The following EYA1 variants were observed in gnomAD, a reference collection of about 807,000 sequenced individuals.
EYA1 encodes protein phosphatase EYA1.
In EYA1, 16 loss-of-function variants were observed where a neutral mutation model predicts 82.0. The ratio of observed to expected loss-of-function variants is 0.20; its 90% CI spans 0.13 to 0.30. The LOEUF is 0.30. Ranked by LOEUF, EYA1 falls within the 10% of genes least tolerant of loss-of-function variation. EYA1 has a pLI of 1.00. For missense variants in EYA1, 633 were observed against 730.7 expected, an observed-to-expected ratio of 0.87 and a Z score of 1.54; for synonymous variants, 261 against 264.4, an observed-to-expected ratio of 0.99 and a Z score of 0.12.
chr8:71,484,575 G>A (rs1013980348), intron 2 of EYA1, among the ~76,000 whole-genome samples: 4 of 152,156 alleles, frequency 2.6e-5, no homozygotes, highest in Non-Finnish European at 5.9e-5. Context: ...TGCTGTTTGG[G>A]GTGATGCACA....
intron 2 of EYA1, among the ~76,000 whole-genome samples, chr8:71,450,908 A>G (rs1410544004): frequency 2.6e-5 from 4 of 152,258 alleles, no homozygotes; most frequent in South Asian, 2.1e-4. Flanking sequence ...CCGTAAAATG[A>G]CTTCACAAGT....
At chr8:71,268,714 G>A (rs1200850839) in intron 11 of EYA1, among the ~76,000 whole-genome samples, 9 of 152,196 alleles carry the variant, frequency 5.9e-5, no homozygotes, top group Non-Finnish European at 1.3e-4. Flanking sequence ...GTACCTTTGA[G>A]ATGATGAAAA....
intron 2 of EYA1, among the ~76,000 whole-genome samples, chr8:71,406,227 A>G (rs1830210699): frequency 6.6e-6 from 1 of 152,254 alleles, no homozygotes; most frequent in Non-Finnish European, 1.5e-5. Context: ...ATATTAAACA[A>G]TTTCAATGCA....
intron 2 of EYA1, among the ~76,000 whole-genome samples, chr8:71,438,382 A>G (rs1037595115): frequency 6.6e-6 from 1 of 151,468 alleles, no homozygotes; most frequent in Admixed American, 6.6e-5. Flanking sequence ...ATAATAAATA[A>G]CCTAGATAAA....
At chr8:71,373,826 A>G (rs1454179134) in intron 2 of EYA1, among the ~76,000 whole-genome samples, 1 of 152,180 alleles carries the variant, frequency 6.6e-6, no homozygotes, top group Non-Finnish European at 1.5e-5. Context: ...GAGTCCAGAA[A>G]TAAACCCAAG....
intron 2 of EYA1, among the ~76,000 whole-genome samples, chr8:71,436,526 C>G (rs1753853944): frequency 6.6e-6 from 1 of 152,068 alleles, no homozygotes; most frequent in South Asian, 2.1e-4. Flanking sequence ...GATTGTGTCC[C>G]TATAAAAACT....
intron 11 of EYA1, among the ~76,000 whole-genome samples, chr8:71,250,258 A>T (rs546227204): frequency 6.6e-6 from 1 of 152,346 alleles, no homozygotes; most frequent in African/African-American, 2.4e-5. Flanking sequence ...TGTCTTGATC[A>T]TGAAATCCTT....
intron 12 of EYA1, among the ~76,000 whole-genome samples, chr8:71,243,230 G>GA (rs1328722601): frequency 6.6e-6 from 1 of 152,136 alleles, no homozygotes; most frequent in Non-Finnish European, 1.5e-5. Flanking sequence ...TGTATCTTTA[G>GA]AAACAAATGG....
chr8:71,518,378 A>G (rs956586823), intron 2 of EYA1, among the ~76,000 whole-genome samples: 9 of 152,158 alleles, frequency 5.9e-5, no homozygotes, highest in African/African-American at 2.2e-4. Context: ...TCTCCAACTT[A>G]TTAGACAGCT....
intron 11 of EYA1, among the ~76,000 whole-genome samples, chr8:71,253,529 T>C (rs1466974211): frequency 2.0e-5 from 3 of 152,152 alleles, no homozygotes; most frequent in Admixed American, 6.5e-5. Context: ...GCATGTTAGA[T>C]TGTATATAAA....
At chr8:71,291,641 T>C (rs147894301) in intron 9 of EYA1, among the ~76,000 whole-genome samples, 22 of 152,366 alleles carry the variant, frequency 1.4e-4, no homozygotes, top group Middle Eastern at 3.4e-3. Context: ...CTTTTATCTT[T>C]GTCCCTCACT....
intron 2 of EYA1, among the ~76,000 whole-genome samples, chr8:71,503,767 T>TA (rs1009363728): frequency 7.2e-5 from 11 of 152,168 alleles, no homozygotes; most frequent in African/African-American, 2.7e-4. Flanking sequence ...CATGCTCACT[T>TA]AAAAAATAGG....
At chr8:71,420,450 T>C (rs578058275) in intron 2 of EYA1, among the ~76,000 whole-genome samples, 1 of 151,952 alleles carries the variant, frequency 6.6e-6, no homozygotes, top group East Asian at 1.9e-4. Context: ...ACTACATCCA[T>C]AATATTACAC....
intron 12 of EYA1, among the ~76,000 whole-genome samples, chr8:71,231,822 C>T (rs1027841129): frequency 2.0e-5 from 3 of 152,168 alleles, no homozygotes; most frequent in Admixed American, 6.5e-5. Context: ...TATTGACCTA[C>T]CTCTCAACAT....
rs1391939828 is a variant in EYA1, at chr8:71,406,916, G to A, written c.34-50405C>T. Among the ~76,000 whole-genome samples, 8 of 145,220 alleles carry A rather than the reference G, an allele frequency of 5.5e-5. No individual in the cohort carries two copies. The East Asian group carries it at 1.6e-3, about 29-fold the overall frequency. On this transcript the variant is annotated intron_variant, in intron 2 of 18. Coordinates refer to the EYA1 transcript ENST00000643681. Reference sequence around the variant, plus strand: ...CTGCCTCTGTAGGCTCCACCTCTGGGGGCAGGGCACAGACAAACAAAAAGA... The same window carrying A: ...CTGCCTCTGTAGGCTCCACCTCTGGAGGCAGGGCACAGACAAACAAAAAGA...
At chr8:71,363,222 T>C (rs1276354609), upstream of EYA1, among the ~76,000 whole-genome samples, 1 of 152,174 alleles carries the variant, frequency 6.6e-6, no homozygotes, top group Non-Finnish European at 1.5e-5. Flanking sequence ...ACTTTTTGCA[T>C]GACTTTATAA....
chr8:71,526,859 C>T (rs1425907151), intron 2 of EYA1, among the ~76,000 whole-genome samples: 4 of 152,186 alleles, frequency 2.6e-5, no homozygotes, highest in Non-Finnish European at 5.9e-5. Flanking sequence ...CCTTACAAGG[C>T]TCCATCTCTT....
chr8:71,242,414 T>C lies in EYA1; in HGVS notation c.1140+2189A>G, dbSNP rs543665474. Among the ~76,000 whole-genome samples, 13 of 152,318 alleles carry C rather than the reference T, an allele frequency of 8.5e-5. No individual in the cohort carries two copies. The South Asian group carries it at 2.7e-3, about 32-fold the overall frequency. On this transcript the variant is annotated intron_variant, in intron 12 of 17. Transcript: ENST00000340726. ...TCCCATGATTGTTTTATATATTTGG[T>C]TGAATTATACCTTCATTCTCTTTTC...
At chr8:71,326,764 C>A (rs77903775) in intron 4 of EYA1, among the ~76,000 whole-genome samples, 2,347 of 152,224 alleles carry the variant, frequency 0.015, 68 homozygotes, top group African/African-American at 0.053. Context: ...CTTGGTGGCT[C>A]TTCTAGGAAG....
Sources: allele counts gnomAD v4.1 joint callset (sites outside exome capture counted in the v4.1 genomes callset), GRCh38; gene constraint gnomAD v4.1.1; transcripts MANE v1.5; gene names NCBI Gene and HGNC (gene_info 2026-07-23, HGNC 2026-07-21).